Variants in SEC14L1 observed in about 807,000 individuals in gnomAD.
SEC14L1 encodes the protein SEC14 like lipid binding 1, also known as SEC14-like protein 1.
SEC14L1 carries 48 observed loss-of-function variants against 85.3 expected under a neutral mutation model. The ratio of observed to expected loss-of-function variants is 0.56; its 90% CI spans 0.45 to 0.72. The LOEUF (loss-of-function observed/expected upper bound fraction) is 0.72, where lower values mean the gene tolerates loss of function less well. SEC14L1 is among the 30% of genes least tolerant of loss of function. SEC14L1 has a pLI of 0.00. For missense variants in SEC14L1, 682 were observed against 921.4 expected, an observed-to-expected ratio of 0.74 and a Z score of 3.36; for synonymous variants, 391 against 355.5, an observed-to-expected ratio of 1.10 and a Z score of -1.12.
intron 3 of SEC14L1, among the ~76,000 whole-genome samples, chr17:77,126,105 C>G (rs189794546): frequency 1.2e-3 from 184 of 152,320 alleles, no homozygotes; most frequent in African/African-American, 4.3e-3. Context: ...GAGCTGAGAT[C>G]GCACCACTGC....
chr17:77,178,858 T>TGTTAAAC (rs1278485009), intron 3 of SEC14L1, among the ~76,000 whole-genome samples: 5 of 152,302 alleles, frequency 3.3e-5, no homozygotes, highest in South Asian at 2.1e-4. Context: ...ACTCTCTGTG[T>TGTTAAAC]GTTAAACGAA....
chr17:77,133,601 C>T (rs553185223), intron 3 of SEC14L1, among the ~76,000 whole-genome samples: 1 of 152,206 alleles, frequency 6.6e-6, no homozygotes, highest in South Asian at 2.1e-4. Flanking sequence ...CTTCCATTCA[C>T]CAAATGAGAG....
chr17:77,166,281 T>C (rs1974277157), intron 3 of SEC14L1, among the ~76,000 whole-genome samples: 1 of 152,188 alleles, frequency 6.6e-6, no homozygotes, highest in Non-Finnish European at 1.5e-5. Context: ...ACATTTTATG[T>C]TTTCTTATTT....
rs905425364 is a variant in SEC14L1, at chr17:77,101,177, CCT to C, written c.-136+7835_-136+7836del. ...CTGGTTTAGTGTTAAGCATATAGTC[CCT>C]CTCTTTTTTTTTTTTGAGACAGAGT... On this transcript the variant is annotated intron_variant, in intron 3 of 19. Transcript: ENST00000392476. 9.2e-5 allele frequency among the ~76,000 whole-genome samples: 14 copies of C among 151,870 alleles called. No individual in the cohort carries two copies. In the East Asian group the frequency reaches 2.7e-3, roughly 29 times the overall value.
intron 3 of SEC14L1, among the ~76,000 whole-genome samples, chr17:77,184,748 G>T (rs1975191122): frequency 6.6e-6 from 1 of 152,218 alleles, no homozygotes; most frequent in African/African-American, 2.4e-5. Flanking sequence ...TGCTCATCAT[G>T]AACTGAGATG....
intron 3 of SEC14L1, among the ~76,000 whole-genome samples, chr17:77,174,649 C>G (rs1013115468): frequency 1.3e-5 from 2 of 152,166 alleles, no homozygotes; most frequent in Non-Finnish European, 2.9e-5. Context: ...GAGGCCACCA[C>G]AACGAGGCAG....
At chr17:77,193,322 C>T (rs1454830513) in intron 5 of SEC14L1, 99 bp from the exon 6 acceptor site, 17 of 1,155,306 alleles carry the variant, frequency 1.5e-5, no homozygotes, top group South Asian at 9.5e-5. Flanking sequence ...TTGTTAGTAA[C>T]GTAAGTGTTT....
In SEC14L1 at chr17:77,213,756, C is replaced by A; in HGVS notation, c.2043-162C>A. The A allele has an allele frequency of 3.1e-6, 3 of 975,924 alleles. No homozygotes were observed. The highest frequency in any genetic ancestry group is 4.8e-6 in the Non-Finnish European group (3 of 629,896). 60.5% of individuals were successfully genotyped at this position (975,924 alleles called of 1,614,324 possible). ...TGCGTGCAGGCTGTGGGAAGCCGGT[C>A]CCCCTGGTGGGTTACTCATGTCCAT... On this transcript the variant is annotated intron_variant, in intron 16 of 16. Coordinates refer to ENST00000436233, the MANE Select transcript of SEC14L1 (RefSeq NM_001143998.2). The surrounding 1 kb of genome is among the most constrained non-coding windows in gnomAD (Gnocchi z 7.1).
rs542664766 is a variant in SEC14L1 at position 77,177,100 on chromosome 17, A to G, written c.64-13703A>G. Among the ~76,000 whole-genome samples the G allele has an allele frequency of 1.2e-3, 189 of 152,206 alleles. 1 individual carries two copies. The highest frequency in any genetic ancestry group is 4.2e-3 in the African/African-American group (174 of 41,512). ...GCTTTTTAAATTGTTTGGACATAGT[A>G]ACTTAATAAATCATCAATTTTTTTG... On this transcript the variant is annotated intron_variant, in intron 3 of 16. Transcript: ENST00000436233.
intron 3 of SEC14L1, among the ~76,000 whole-genome samples, chr17:77,129,592 C>A (rs1490317833): frequency 6.6e-6 from 1 of 152,142 alleles, no homozygotes; most frequent in Non-Finnish European, 1.5e-5. Flanking sequence ...TCTGAATGAT[C>A]TTCTCTTTCA....
At chr17:77,170,972 T>C (rs1191400746) in intron 3 of SEC14L1, among the ~76,000 whole-genome samples, 3 of 152,174 alleles carry the variant, frequency 2.0e-5, no homozygotes, top group African/African-American at 7.2e-5. Context: ...CTCTACCCAG[T>C]GGGTGAGATG....
At chr17:77,116,084 AATTTTT>A (rs914618798) in intron 3 of SEC14L1, among the ~76,000 whole-genome samples, 7 of 151,754 alleles carry the variant, frequency 4.6e-5, no homozygotes, top group Non-Finnish European at 1.0e-4. Flanking sequence ...AGGTTCAGCG[AATTTTT>A]ATTTTTATTT....
chr17:77,089,631 C>T (rs891128456), intron 2 of SEC14L1: 2 of 392,028 alleles, frequency 5.1e-6, no homozygotes, highest in Admixed American at 3.5e-5. Context: ...TTAAATGTTA[C>T]GGATACAGAG....
intron 3 of SEC14L1, among the ~76,000 whole-genome samples, chr17:77,148,626 C>T (rs1973418256): frequency 6.6e-6 from 1 of 152,204 alleles, no homozygotes; most frequent in African/African-American, 2.4e-5. Context: ...ACTGTGCCTT[C>T]AGGAACCAAG....
chr17:77,113,250 T>C (rs1275268552), intron 3 of SEC14L1, among the ~76,000 whole-genome samples: 3 of 152,220 alleles, frequency 2.0e-5, no homozygotes, highest in South Asian at 2.1e-4. Flanking sequence ...GAACAGAGTA[T>C]TGGTATTGCC....
intron 3 of SEC14L1, among the ~76,000 whole-genome samples, chr17:77,121,658 A>G (rs1352866047): frequency 2.0e-5 from 3 of 152,094 alleles, no homozygotes; most frequent in African/African-American, 7.2e-5. Context: ...CACCCGGCCC[A>G]TGTGCACTAT....
intron 2 of SEC14L1, 112 bp from the exon 3 acceptor site, chr17:77,143,455 C>T (rs1431767242): frequency 6.6e-6 from 4 of 603,382 alleles, no homozygotes; most frequent in Admixed American, 6.5e-5. Context: ...AGAATTATGA[C>T]CTATTGTGGT....
Position 77,214,689 on chromosome 17 carries a change from A to T in SEC14L1, c.*666A>T, listed in dbSNP as rs1976952569. On this transcript the variant is annotated 3_prime_UTR_variant, in exon 17 of 17. Transcript: ENST00000436233. Reference sequence around the variant, plus strand: ...CTGGTGACTCCAGGAAAATGCTGCCATCGTTAAACATTACTTTCTCTTTCC... The same window carrying T: ...CTGGTGACTCCAGGAAAATGCTGCCTTCGTTAAACATTACTTTCTCTTTCC... 1.0e-6 allele frequency: 1 copy of T among 985,438 alleles called. No homozygotes were observed. Among genetic ancestry groups the T allele is most frequent in the African/African-American group, 1.7e-5 (1 of 57,250 alleles). 61.0% of individuals were successfully genotyped at this position (985,438 alleles called of 1,614,324 possible).
chr17:77,172,575 G>C (rs767835130), intron 3 of SEC14L1, among the ~76,000 whole-genome samples: 1 of 151,918 alleles, frequency 6.6e-6, no homozygotes, highest in Non-Finnish European at 1.5e-5. Flanking sequence ...CCTTTTGAGC[G>C]TCTCTCAAAA....
Sources: gnomAD v4.1 joint callset for allele counts (sites outside exome capture counted in the v4.1 genomes callset) on GRCh38, gnomAD v4.1.1 for gene constraint, Gnocchi (gnomAD v3.1) non-coding constraint, MANE v1.5 for transcripts, NCBI Gene and HGNC (gene_info 2026-07-23, HGNC 2026-07-21) for gene names.